The following PLXNA4 variants were observed in gnomAD, a reference collection of about 807,000 sequenced individuals.
The protein encoded by PLXNA4 is plexin A4.
A neutral mutation model predicts 191.8 loss-of-function variants in PLXNA4; 44 were observed. The ratio of observed to expected loss-of-function variants is 0.23; its 90% CI spans 0.18 to 0.29. The LOEUF (loss-of-function observed/expected upper bound fraction) is 0.29, where lower values mean the gene tolerates loss of function less well. Ranked by LOEUF, PLXNA4 falls within the 10% of genes least tolerant of loss-of-function variation. The pLI is 1.00. For missense variants in PLXNA4, 1,800 were observed against 2,488.8 expected (o/e 0.72, Z 5.89); for synonymous variants, 1,082 against 1,009.5 (o/e 1.07, Z -1.36).
chr7:132,559,160 C>T (rs1458526841), intron 1 of PLXNA4, among the ~76,000 whole-genome samples: 1 of 152,144 alleles, frequency 6.6e-6, no homozygotes, highest in Non-Finnish European at 1.5e-5. Context: ...TTCCCTGAGA[C>T]CAAAAGTGCA....
At chr7:132,301,932 C>T (rs1801322787) in intron 3 of PLXNA4, among the ~76,000 whole-genome samples, 1 of 152,198 alleles carries the variant, frequency 6.6e-6, no homozygotes, top group Non-Finnish European at 1.5e-5. Context: ...GGAGGCTGTT[C>T]TGTGCCTTGC....
chr7:132,633,244 T>C (rs1221755440), intron 2 of PLXNA4, among the ~76,000 whole-genome samples: 1 of 151,276 alleles, frequency 6.6e-6, no homozygotes, highest in East Asian at 1.9e-4. Flanking sequence ...CACAATTTGC[T>C]CCAGGTGATT....
chr7:132,588,452 A>G (rs895198152), intron 2 of PLXNA4, among the ~76,000 whole-genome samples: 8 of 152,106 alleles, frequency 5.3e-5, no homozygotes, highest in Admixed American at 5.2e-4. Context: ...CCTGTACTGC[A>G]ATCAGTATTA....
At chr7:132,450,497 A>G (rs1417319367) in intron 3 of PLXNA4, among the ~76,000 whole-genome samples, 1 of 152,124 alleles carries the variant, frequency 6.6e-6, no homozygotes, top group African/African-American at 2.4e-5. Flanking sequence ...AAGCTCTAAG[A>G]GCCATTAATC....
At chr7:132,266,438 C>A (rs1307219420) in intron 4 of PLXNA4, 1 of 152,166 alleles carries the variant, frequency 6.6e-6, no homozygotes, top group Non-Finnish European at 1.5e-5. Flanking sequence ...ATTAAGGCCC[C>A]ATTTGCTCTT....
chr7:132,296,081 G>A (rs1801066552), intron 4 of PLXNA4, among the ~76,000 whole-genome samples: 1 of 152,160 alleles, frequency 6.6e-6, no homozygotes, highest in Non-Finnish European at 1.5e-5. Flanking sequence ...CACAAGCCCA[G>A]TGGAGACCAG....
intron 1 of PLXNA4, among the ~76,000 whole-genome samples, chr7:132,529,030 T>G (rs1391198799): frequency 1.3e-5 from 2 of 152,242 alleles, no homozygotes; most frequent in Non-Finnish European, 2.9e-5. Flanking sequence ...AAGAGCAGAC[T>G]CCAGCAATGA....
At chr7:132,518,321 T>C (rs550601841) in intron 1 of PLXNA4, among the ~76,000 whole-genome samples, 1 of 152,182 alleles carries the variant, frequency 6.6e-6, no homozygotes, top group Non-Finnish European at 1.5e-5. Context: ...AAAGCAACTG[T>C]CTTCCCAAGA....
chr7:132,263,329 G>T (rs1333438357), intron 4 of PLXNA4, among the ~76,000 whole-genome samples: 2 of 152,158 alleles, frequency 1.3e-5, no homozygotes, highest in Admixed American at 6.5e-5. Flanking sequence ...CCCTGCACAG[G>T]CTTACCAAGA....
chr7:132,570,272 A>G (rs1801918929), intron 1 of PLXNA4, among the ~76,000 whole-genome samples: 2 of 152,336 alleles, frequency 1.3e-5, no homozygotes, highest in South Asian at 4.1e-4. Flanking sequence ...GGAGAGGAAG[A>G]AAACGAACTC....
intron 1 of PLXNA4, among the ~76,000 whole-genome samples, chr7:132,542,640 A>G (rs1049824950): frequency 1.1e-4 from 17 of 152,138 alleles, no homozygotes; most frequent in African/African-American, 4.1e-4. Flanking sequence ...GATAGATAAG[A>G]CTATTCTCAC....
chr7:132,619,976 G>T (rs1803229857), intron 2 of PLXNA4, among the ~76,000 whole-genome samples: 1 of 152,154 alleles, frequency 6.6e-6, no homozygotes, highest in East Asian at 1.9e-4. Context: ...AATGCTTTTT[G>T]TATTTTTAGT....
At chr7:132,480,545 G>A (rs1797295340) in intron 3 of PLXNA4, among the ~76,000 whole-genome samples, 1 of 151,654 alleles carries the variant, frequency 6.6e-6, no homozygotes, top group South Asian at 2.1e-4. Flanking sequence ...CAATTCCGGT[G>A]AGAAACCAAG....
At chr7:132,266,125 G>A (rs545062280) in intron 4 of PLXNA4, 1 of 152,272 alleles carries the variant, frequency 6.6e-6, no homozygotes, top group East Asian at 1.9e-4. Context: ...AAAAAGAGAA[G>A]GTTTGGGGTA....
At chr7:132,201,811 G>A (rs1267009185) in intron 12 of PLXNA4, among the ~76,000 whole-genome samples, 1 of 152,194 alleles carries the variant, frequency 6.6e-6, no homozygotes, top group Non-Finnish European at 1.5e-5. Flanking sequence ...GAACTCCAGG[G>A]GCAGTGATTT....
At chr7:132,148,778 GC>G (rs1186110719) in intron 25 of PLXNA4, 132 bp from the exon 26 acceptor site, 1 of 1,382,650 alleles carries the variant, frequency 7.2e-7, no homozygotes, top group Non-Finnish European at 9.6e-7. Context: ...ACATGCTCCT[GC>G]GAAAATGGAG....
chr7:132,135,291 C>T (rs1795079419), intron 30 of PLXNA4, among the ~76,000 whole-genome samples: 1 of 152,198 alleles, frequency 6.6e-6, no homozygotes, highest in Non-Finnish European at 1.5e-5. Context: ...CAAGCTTCCA[C>T]CAGACAGGTA....
In PLXNA4 at chr7:132,124,171, G is replaced by A. The variant is rs1026156686; in HGVS notation, c.*6308C>T. 6.6e-6 allele frequency: 1 copy of A among 152,202 alleles called. No individual in the cohort carries two copies. The allele number at this position is 152,202 out of a possible 1,614,324, so 9.4% of individuals were successfully genotyped here. A position where few individuals can be genotyped will look rare whatever the true frequency, so the allele number is the denominator to read the frequency against. ...CCAAGGTAGGGAGTGGTGAGGGGAG[G>A]GCTGTCCATTCTAAAACACAAAATC... On this transcript the variant is annotated 3_prime_UTR_variant, in exon 32 of 32. Coordinates refer to ENST00000321063, the MANE Select transcript of PLXNA4 (RefSeq NM_020911.2).
chr7:132,467,116 G>A (rs1050678302), intron 3 of PLXNA4, among the ~76,000 whole-genome samples: 6 of 152,152 alleles, frequency 3.9e-5, no homozygotes, highest in African/African-American at 1.4e-4. Context: ...GGGACTGAGA[G>A]TCCACAGCCC....
Sources: gnomAD v4.1 joint callset for allele counts (sites outside exome capture counted in the v4.1 genomes callset) on GRCh38, gnomAD v4.1.1 for gene constraint, MANE v1.5 for transcripts, NCBI Gene and HGNC (gene_info 2026-07-23, HGNC 2026-07-21) for gene names.